Variants in CEP83 observed in about 807,000 individuals in gnomAD.
CEP83 encodes the protein centrosomal protein of 83 kDa.
CEP83 carries 70 observed loss-of-function variants against 101.9 expected under a neutral mutation model. That is an observed-to-expected ratio of 0.69 (90% CI 0.57 to 0.84). The LOEUF (loss-of-function observed/expected upper bound fraction) is 0.84. Ranked by LOEUF, CEP83 falls within the 40% of genes least tolerant of loss-of-function variation. The pLI, the probability that CEP83 is intolerant of heterozygous loss-of-function variation, is 0.00. For missense variants in CEP83, 715 were observed against 787.2 expected (o/e 0.91, Z 1.10); for synonymous variants, 264 against 267.9 (o/e 0.99, Z 0.14).
chr12:94,430,374 GA>G (rs2065528568), intron 2 of CEP83, among the ~76,000 whole-genome samples: 1 of 151,198 alleles, frequency 6.6e-6, no homozygotes, highest in African/African-American at 2.4e-5. Context: ...AAAGAAATCA[GA>G]AAAACAATTC....
At chr12:94,395,895 T>C (rs886825008) in intron 6 of CEP83, among the ~76,000 whole-genome samples, 1 of 152,192 alleles carries the variant, frequency 6.6e-6, no homozygotes, top group African/African-American at 2.4e-5. Context: ...ATAGGAACTT[T>C]GGCTCCTCAC....
At chr12:94,299,567 C>CT in the CEP83 span, among the ~76,000 whole-genome samples, 34 of 151,454 alleles carry the variant, frequency 2.2e-4, no homozygotes, top group African/African-American at 6.8e-4. Context: ...GTTCTAGCCT[C>CT]TTTTTTTTTG....
chr12:94,281,965 G>T, the CEP83 span: 1 of 277,372 alleles, frequency 3.6e-6, no homozygotes, highest in South Asian at 3.6e-5. Flanking sequence ...CTCTCTTTGT[G>T]AACATGGGCA....
At position 94,423,457 on chromosome 12, in the gene CEP83, C is replaced by CT. The variant is rs763433431; in HGVS notation, c.-101-10867dup. Among the ~76,000 whole-genome samples the CT allele has an allele frequency of 3.5e-3, 422 of 120,512 alleles. 4 individuals are homozygous for CT. The highest frequency in any genetic ancestry group is 8.6e-3 in the Middle Eastern group (2 of 232). 79.1% of individuals were successfully genotyped at this position (120,512 alleles called of 152,430 possible). A position where few individuals can be genotyped will look rare whatever the true frequency, so the allele number is the denominator to read the frequency against. On this transcript the variant is annotated intron_variant, in intron 2 of 16. Transcript: ENST00000397809. The stretch of plus-strand genomic sequence containing the variant: ...GCTGCACCAGACCAATCTGGTTCAA[C>CT]TTTTTTTTTTTTTTTTTGCAAAAGA...
At chr12:94,377,129 G>A (rs192771340) in intron 7 of CEP83, among the ~76,000 whole-genome samples, 138 of 152,182 alleles carry the variant, frequency 9.1e-4, no homozygotes, top group Non-Finnish European at 1.5e-3. Context: ...GATGCTGTTC[G>A]ACTTATGATG....
chr12:94,291,164 G>C, the CEP83 span, among the ~76,000 whole-genome samples: 1 of 152,210 alleles, frequency 6.6e-6, no homozygotes, highest in African/African-American at 2.4e-5. Context: ...AACTCCAAAA[G>C]AGGCAATATA....
chr12:94,383,461 T>A (rs536088005), intron 6 of CEP83, among the ~76,000 whole-genome samples: 1 of 152,176 alleles, frequency 6.6e-6, no homozygotes, highest in South Asian at 2.1e-4. Context: ...AAACCATATG[T>A]CATAAGGAGC....
intron 14 of CEP83, among the ~76,000 whole-genome samples, chr12:94,320,066 GTCT>G (rs1971386517): frequency 6.6e-6 from 1 of 152,172 alleles, no homozygotes; most frequent in Non-Finnish European, 1.5e-5. Flanking sequence ...GGATAGTTAC[GTCT>G]TCTTATTGAA....
intron 1 of CEP83, among the ~76,000 whole-genome samples, chr12:94,451,695 CTGGTAGGA>C (rs1279958655): frequency 1.3e-5 from 2 of 152,072 alleles, no homozygotes; most frequent in African/African-American, 4.8e-5. Flanking sequence ...TCATACATTG[CTGGTAGGA>C]TGTAATTGGT....
intron 14 of CEP83, among the ~76,000 whole-genome samples, chr12:94,319,601 C>T (rs7971533): frequency 3.3e-5 from 5 of 152,094 alleles, no homozygotes; most frequent in Non-Finnish European, 7.4e-5. Flanking sequence ...AATAACTTCT[C>T]GATTTCTGCC....
intron 4 of CEP83, 134 bp downstream of exon 4, chr12:94,411,563 T>C (rs1300435632): frequency 1.6e-6 from 1 of 639,162 alleles, no homozygotes; most frequent in Non-Finnish European, 2.7e-6. Context: ...AAGATTAAAT[T>C]GTACCACTTG....
intron 6 of CEP83, among the ~76,000 whole-genome samples, chr12:94,385,738 T>C (rs1422020587): frequency 6.6e-6 from 1 of 152,212 alleles, no homozygotes; most frequent in Non-Finnish European, 1.5e-5. Flanking sequence ...TTCCTTTACT[T>C]ATTTCTGAAT....
chr12:94,398,803 C>T (rs1452736952), intron 6 of CEP83, among the ~76,000 whole-genome samples: 1 of 152,084 alleles, frequency 6.6e-6, no homozygotes, highest in Non-Finnish European at 1.5e-5. Context: ...AATTAATACC[C>T]TGGGGAAGGA....
At chr12:94,355,409 C>T (rs1254535643) in intron 11 of CEP83, among the ~76,000 whole-genome samples, 5 of 152,024 alleles carry the variant, frequency 3.3e-5, no homozygotes, top group Admixed American at 2.6e-4. Flanking sequence ...GGGAGAATGG[C>T]GTGAACCCAG....
chr12:94,459,325 G>A (rs566937042), intron 1 of CEP83, among the ~76,000 whole-genome samples: 1 of 152,262 alleles, frequency 6.6e-6, no homozygotes, highest in South Asian at 2.1e-4. Flanking sequence ...TAAGCTGGAG[G>A]TACTTAAACG....
intron 1 of CEP83, among the ~76,000 whole-genome samples, chr12:94,458,877 A>C (rs1349937298): frequency 1.3e-5 from 2 of 152,250 alleles, no homozygotes; most frequent in Non-Finnish European, 2.9e-5. Context: ...AGGTAACTGT[A>C]GGATAGATAC....
chr12:94,282,420 C>T, the CEP83 span: 2 of 1,478,672 alleles, frequency 1.4e-6, no homozygotes, highest in South Asian at 2.3e-5. Flanking sequence ...AAGACTTGAC[C>T]CCGTGTCTCC....
intron 2 of CEP83, among the ~76,000 whole-genome samples, chr12:94,420,247 A>G (rs1293115151): frequency 1.3e-5 from 2 of 152,180 alleles, no homozygotes; most frequent in Non-Finnish European, 2.9e-5. Flanking sequence ...AAAAAAATAC[A>G]TATACTATGA....
At chr12:94,310,959 C>T (rs1969771089) in intron 15 of CEP83, among the ~76,000 whole-genome samples, 1 of 152,138 alleles carries the variant, frequency 6.6e-6, no homozygotes, top group Admixed American at 6.5e-5. Flanking sequence ...CTGGGGGCCC[C>T]TGAATAGCTT....
Sources: gnomAD v4.1 joint callset for allele counts (sites outside exome capture counted in the v4.1 genomes callset) on GRCh38, gnomAD v4.1.1 for gene constraint, MANE v1.5 for transcripts, NCBI Gene and HGNC (gene_info 2026-07-23, HGNC 2026-07-21) for gene names.